The following RASA2 variants were observed in gnomAD, a reference collection of about 807,000 sequenced individuals.
The protein encoded by RASA2 is ras GTPase-activating protein 2.
Under a neutral mutation model 118.2 loss-of-function variants are expected in RASA2, and 155 were observed. The ratio of observed to expected loss-of-function variants is 1.31; its 90% CI spans 1.15 to 1.50. The LOEUF (loss-of-function observed/expected upper bound fraction) is 1.50, where lower values mean the gene tolerates loss of function less well. RASA2 is among the 40% of genes most tolerant of loss of function. The probability of loss-of-function intolerance (pLI) is 0.00; values close to 1 mark genes in which losing one functional copy is unlikely to be tolerated. For missense variants in RASA2, 1,016 were observed against 1,009.6 expected (o/e 1.01, Z -0.09); for synonymous variants, 353 against 349.1 (o/e 1.01, Z -0.12).
Position 141,489,747 on chromosome 3 carries a change from T to C in RASA2, c.133+2531T>C, listed in dbSNP as rs151222646. Among the ~76,000 whole-genome samples, 179 of 152,320 alleles carry C rather than the reference T, an allele frequency of 1.2e-3. 3 individuals carry two copies. Among genetic ancestry groups the C allele is most frequent in the Admixed American group, 9.1e-3 (140 of 15,302 alleles). ...TGTATCTTGAATGTTCAAGAGATAA[T>C]AGTCCATAACCTTCTTTAGGGATTT... On this transcript the variant is annotated intron_variant, in intron 1 of 23. Transcript: ENST00000286364.
chr3:141,542,695 G>C (rs1456877148), intron 5 of RASA2, among the ~76,000 whole-genome samples: 1 of 151,884 alleles, frequency 6.6e-6, no homozygotes, highest in Non-Finnish European at 1.5e-5. Context: ...TTTATCATGT[G>C]TGTTGATTTG....
intron 1 of RASA2, among the ~76,000 whole-genome samples, chr3:141,498,377 A>C (rs2081733033): frequency 6.6e-6 from 1 of 150,436 alleles, no homozygotes; most frequent in Non-Finnish European, 1.5e-5. Context: ...GTTGTCAAGA[A>C]GTTGATAATT....
intron 14 of RASA2, 62 bp from the exon 15 acceptor site, chr3:141,576,938 A>G: frequency 8.8e-7 from 1 of 1,136,954 alleles, no homozygotes; most frequent in Non-Finnish European, 1.3e-6. Context: ...ATATTTTTTA[A>G]TTTATCATCT....
At chr3:141,543,876 C>CTTTTTTTTTTTTTTTTTTTTTTTT (rs529631210) in intron 5 of RASA2, among the ~76,000 whole-genome samples, 1 of 117,312 alleles carries the variant, frequency 8.5e-6, no homozygotes, top group African/African-American at 3.3e-5. Context: ...TTTCTTTTTT[C>CTTTTTTTTTTTTTTTTTTTTTTTT]TTTTTTTTTT....
rs374943887 is a variant in RASA2 at position 141,607,797 on chromosome 3, C to T, written c.2016+37C>T. On this transcript the variant is annotated intron_variant, in intron 20 of 23. Coordinates refer to ENST00000286364, the MANE Select transcript of RASA2 (RefSeq NM_006506.5). ...AAATAAATATTTAAAGCTTTCTGAA[C>T]TGCATATATTACTTAAGTATTTGTA... is the stretch of plus-strand genomic sequence containing the variant. 24 of 1,531,420 alleles carry T rather than the reference C, an allele frequency of 1.6e-5. No individual in the cohort carries two copies. The African/African-American group carries it at 2.8e-4, about 18-fold the overall frequency. 94.9% of individuals were successfully genotyped at this position (1,531,420 alleles called of 1,614,324 possible).
chr3:141,595,787 T>A (rs1405342655), intron 19 of RASA2, among the ~76,000 whole-genome samples: 1 of 151,918 alleles, frequency 6.6e-6, no homozygotes. Flanking sequence ...CGCCACCACA[T>A]CTGGCTGATT....
intron 5 of RASA2, among the ~76,000 whole-genome samples, chr3:141,551,336 T>G (rs2151111879): frequency 1.3e-5 from 2 of 152,348 alleles, no homozygotes; most frequent in South Asian, 4.1e-4. Context: ...ATTACCAGGT[T>G]TTCTACTGTG....
Position 141,573,997 on chromosome 3 carries a change from T to C in RASA2, c.1413T>C (p.Ser471=). The C allele has an allele frequency of 1.9e-6, 3 of 1,589,856 alleles. No individual in the cohort carries two copies. Among genetic ancestry groups the C allele is most frequent in the Non-Finnish European group, 2.6e-6 (3 of 1,162,476 alleles). The change falls in exon 14 of 24, where the codon AGT becomes AGC. Residue 471 remains serine (S), a synonymous_variant. Coordinates refer to ENST00000286364, the MANE Select transcript of RASA2 (RefSeq NM_006506.5). ...DKLFNTIVKS[S]MSCPTVMCDI... is the part of the protein sequence containing the mutation. ...TATTCAATACAATTGTAAAATCAAG[T>C]ATGAGCTGCCCCACTGTAATGTGTG...
intron 9 of RASA2, among the ~76,000 whole-genome samples, chr3:141,561,956 G>A (rs149929660): frequency 6.6e-6 from 1 of 151,656 alleles, no homozygotes; most frequent in East Asian, 2.0e-4. Context: ...GTGGGGGGGC[G>A]GTCTTACTTT....
chr3:141,604,771 G>C (rs186664029), intron 19 of RASA2, among the ~76,000 whole-genome samples: 1 of 133,644 alleles, frequency 7.5e-6, no homozygotes, highest in African/African-American at 2.7e-5. Flanking sequence ...TGTGGGGAGG[G>C]GGGAGGGATG....
intron 19 of RASA2, among the ~76,000 whole-genome samples, chr3:141,601,877 C>T (rs916393342): frequency 6.6e-6 from 1 of 152,074 alleles, no homozygotes; most frequent in Non-Finnish European, 1.5e-5. Flanking sequence ...TCTTTGGTCT[C>T]CAAATCAGAT....
intron 19 of RASA2, among the ~76,000 whole-genome samples, chr3:141,589,597 C>CT (rs2083257370): frequency 6.6e-6 from 1 of 152,152 alleles, no homozygotes; most frequent in African/African-American, 2.4e-5. Flanking sequence ...GATCCCAACA[C>CT]TTTGGGAGGC....
intron 19 of RASA2, among the ~76,000 whole-genome samples, chr3:141,606,931 A>T (rs546433725): frequency 7.9e-4 from 121 of 152,302 alleles, no homozygotes; most frequent in Non-Finnish European, 7.5e-4. Context: ...AGTTAGAATT[A>T]TGTTTGCTTA....
intron 9 of RASA2, among the ~76,000 whole-genome samples, chr3:141,568,571 TTATA>T (rs2151127173): frequency 6.6e-6 from 1 of 152,148 alleles, no homozygotes; most frequent in African/African-American, 2.4e-5. Flanking sequence ...ATGACATTGT[TTATA>T]TATGTATGCA....
At chr3:141,578,647 A>G (rs1030278662) in intron 15 of RASA2, 4 of 152,208 alleles carry the variant, frequency 2.6e-5, no homozygotes, top group African/African-American at 9.6e-5. Context: ...TTTTGTTCAC[A>G]GGGCTGTCCA....
chr3:141,508,223 A>G (rs752909591), intron 1 of RASA2, among the ~76,000 whole-genome samples: 2 of 152,154 alleles, frequency 1.3e-5, no homozygotes, highest in African/African-American at 2.4e-5. Flanking sequence ...GTTAGTGGAT[A>G]AAAAGACCAA....
intron 3 of RASA2, among the ~76,000 whole-genome samples, chr3:141,516,668 T>C (rs1560001722): frequency 6.6e-6 from 1 of 152,194 alleles, no homozygotes; most frequent in Non-Finnish European, 1.5e-5. Flanking sequence ...TTTTTATAAT[T>C]CCTGATGGTT....
intron 19 of RASA2, among the ~76,000 whole-genome samples, chr3:141,590,873 T>G (rs772087462): frequency 7.2e-5 from 11 of 152,238 alleles, no homozygotes; most frequent in Non-Finnish European, 1.2e-4. Flanking sequence ...AGGATTTTTC[T>G]TCAATAAGTT....
In RASA2 at chr3:141,572,029, CATATATATATATAT is replaced by C. The variant is rs10568210; in HGVS notation, c.1169+495_1169+508del. 2.9e-4 allele frequency among the ~76,000 whole-genome samples: 35 copies of C among 121,448 alleles called. 1 individual carries two copies. Among genetic ancestry groups the C allele is most frequent in the Admixed American group, 7.5e-4 (9 of 11,970 alleles). The allele number at this position is 121,448 out of a possible 152,430, so 79.7% of individuals were successfully genotyped here. A position where few individuals can be genotyped will look rare whatever the true frequency, so the allele number is the denominator to read the frequency against. ...AACATGATTTGCCTTTTTAAAAAAACATATATATATATATATATATATATATATATATACACACA... is the reference window on the plus strand; with the variant it reads ...AACATGATTTGCCTTTTTAAAAAAACATATATATATATATATATACACACA... On this transcript the variant is annotated intron_variant, in intron 11 of 23. Transcript: ENST00000286364.
Sources: allele counts gnomAD v4.1 joint callset (sites outside exome capture counted in the v4.1 genomes callset), GRCh38; gene constraint gnomAD v4.1.1; transcripts MANE v1.5; gene names NCBI Gene and HGNC (gene_info 2026-07-23, HGNC 2026-07-21).